The following NUP155 variants were observed in gnomAD, a reference collection of about 807,000 sequenced individuals.
The protein encoded by NUP155 is nuclear pore complex protein Nup155.
NUP155 carries 71 observed loss-of-function variants against 180.4 expected under a neutral mutation model. The ratio of observed to expected loss-of-function variants is 0.39; its 90% CI spans 0.33 to 0.48. NUP155 has a LOEUF of 0.48. Ranked by LOEUF, NUP155 falls within the 20% of genes least tolerant of loss-of-function variation. The pLI, the probability that NUP155 is intolerant of heterozygous loss-of-function variation, is 0.91. For synonymous variants in NUP155, 582 were observed against 559.5 expected, an observed-to-expected ratio of 1.04 and a Z score of -0.57; for missense variants, 1,553 against 1,648.9, an observed-to-expected ratio of 0.94 and a Z score of 1.01.
intron 33 of NUP155, 190 bp from the exon 34 acceptor site, chr5:37,293,175 A>G (rs1420238924): frequency 1.8e-6 from 1 of 549,802 alleles, no homozygotes; most frequent in Non-Finnish European, 3.3e-6. Context: ...AAACTTATTA[A>G]TTAACAACAC....
chr5:37,299,487 T>C lies in NUP155; in HGVS notation c.3643A>G (p.Ile1215Val). The change falls in exon 31 of 35, where the codon ATA becomes GTA. Residue 1215 changes from isoleucine (I) to valine (V), a missense_variant. Physicochemically the swap from Ile to Val is conservative, Grantham distance 29 (BLOSUM62 3). Transcript: ENST00000231498. ...TCTTGCCAAAGTGTCTGCACCAATATAGGGTCTGAATAACCGGCACAATGA... is the reference window on the plus strand; with the variant it reads ...TCTTGCCAAAGTGTCTGCACCAATACAGGGTCTGAATAACCGGCACAATGA... ...IIHCAGYSDP[I>V]LVQTLWQDII... is the part of the protein sequence containing the mutation. 2 of 1,614,064 alleles carry C rather than the reference T, an allele frequency of 1.2e-6. No individual in the cohort carries two copies. Among genetic ancestry groups the C allele is most frequent in the East Asian group, 2.2e-5 (1 of 44,860 alleles).
intron 22 of NUP155, among the ~76,000 whole-genome samples, chr5:37,313,245 A>ACACGGTGAAACCCCGTCTC: frequency 6.6e-6 from 1 of 151,996 alleles, no homozygotes; most frequent in Non-Finnish European, 1.5e-5. Context: ...ACCCTGGGCA[A>ACACGGTGAAACCCCGTCTC]CACGGTGAAA....
chr5:37,354,228 C>T (rs1006645344), intron 4 of NUP155, among the ~76,000 whole-genome samples: 1 of 151,852 alleles, frequency 6.6e-6, no homozygotes, highest in Non-Finnish European at 1.5e-5. Flanking sequence ...CTCACTATAA[C>T]CTCTGCCTCC....
chr5:37,293,549 T>C (rs1202405234), intron 33 of NUP155, among the ~76,000 whole-genome samples: 2 of 152,238 alleles, frequency 1.3e-5, no homozygotes, highest in East Asian at 1.9e-4. Flanking sequence ...ACAATCTACT[T>C]TGACAAGTTT....
chr5:37,353,803 A>T (rs1263522468), intron 4 of NUP155, among the ~76,000 whole-genome samples: 1 of 152,144 alleles, frequency 6.6e-6, no homozygotes, highest in Non-Finnish European at 1.5e-5. Context: ...GAGGAACAGG[A>T]GTTTTTAGTT....
At chr5:37,350,129 G>A (rs1746361807) in intron 7 of NUP155, 31 bp downstream of exon 7, 1 of 1,464,346 alleles carries the variant, frequency 6.8e-7, no homozygotes, top group Non-Finnish European at 9.6e-7. Flanking sequence ...GAAATTAGTT[G>A]TACTTGCCAA....
At position 37,309,250 on chromosome 5, in the gene NUP155, C is replaced by A; in HGVS notation, c.2646G>T (p.Gln882His). Reference protein sequence around the residue: ...AICSKANELLQRSRQVQNKTE... With the variant: ...AICSKANELLHRSRQVQNKTE... The stretch of plus-strand genomic sequence containing the variant: ...TCTTATTTTGAACTTGTCGGGAACG[C>A]TGGAGAAGCTCATTTGCCTAGAAGA... Residue 882 changes from glutamine (Q) to histidine (H), a missense_variant, in exon 24 of 35, where the codon CAG (glutamine) becomes CAT (histidine). Transcript: ENST00000231498. 6.2e-7 allele frequency: 1 copy of A among 1,610,592 alleles called. No individual in the cohort carries two copies. Among genetic ancestry groups the A allele is most frequent in the Non-Finnish European group, 8.5e-7 (1 of 1,178,812 alleles).
intron 1 of NUP155, among the ~76,000 whole-genome samples, chr5:37,368,726 A>C (rs1747767887): frequency 6.6e-6 from 1 of 152,162 alleles, no homozygotes; most frequent in South Asian, 2.1e-4. Flanking sequence ...AGGCAGGAGC[A>C]TCGCTTGAAC....
chr5:37,341,161 AAGC>A lies in NUP155; in HGVS notation c.1172_1174del (p.Arg391del). ...TGAAGATGCTGAGAATCCAGGAGGT[AAGC>A]GGACATGAACCAGCGTCAGTGTATT... On this transcript the variant is annotated inframe_deletion, in exon 11 of 35. Coordinates refer to ENST00000231498, the MANE Select transcript of NUP155 (RefSeq NM_153485.3). 1 of 1,613,960 alleles carries A rather than the reference AAGC, an allele frequency of 6.2e-7. No homozygotes were observed. Among genetic ancestry groups the A allele is most frequent in the Non-Finnish European group, 8.5e-7 (1 of 1,179,822 alleles).
In NUP155 at chr5:37,310,568, T is replaced by C; in HGVS notation, c.2612A>G (p.Asp871Gly). The change falls in exon 23 of 35, where the codon GAT becomes GGT. Residue 871 changes from aspartate (D) to glycine (G), a missense_variant. Asp to Gly is a moderately conservative substitution (Grantham distance 94). Coordinates refer to ENST00000231498, the MANE Select transcript of NUP155 (RefSeq NM_153485.3). The part of the protein sequence containing the change: ...DICPLLYSTD[D>G]AICSKANELL... Reference sequence around the variant, plus strand: ...GTATCATACCTTAGAACAAATTGCATCATCAGTGCTATATAGAAGTGGGCA... The same window carrying C: ...GTATCATACCTTAGAACAAATTGCACCATCAGTGCTATATAGAAGTGGGCA... The C allele has an allele frequency of 6.2e-7, 1 of 1,612,928 alleles. No homozygotes were observed. Among genetic ancestry groups the C allele is most frequent in the Non-Finnish European group, 8.5e-7 (1 of 1,179,210 alleles).
chr5:37,347,235 A>G (rs1746150798), intron 9 of NUP155, among the ~76,000 whole-genome samples: 1 of 152,116 alleles, frequency 6.6e-6, no homozygotes, highest in Admixed American at 6.5e-5. Flanking sequence ...CTCAAAAAGA[A>G]GCAAACAAAA....
chr5:37,336,518 C>T (rs901770318), intron 12 of NUP155, among the ~76,000 whole-genome samples: 12 of 152,082 alleles, frequency 7.9e-5, no homozygotes, highest in African/African-American at 2.9e-4. Flanking sequence ...GCTTTACACA[C>T]ATGAGCTCAT....
intron 9 of NUP155, among the ~76,000 whole-genome samples, chr5:37,344,516 CA>C (rs1405034572): frequency 6.7e-6 from 1 of 148,976 alleles, no homozygotes; most frequent in Non-Finnish European, 1.5e-5. Flanking sequence ...AAAAGGTGGC[CA>C]GGGGGCTGTT....
At chr5:37,370,783 G>C (rs1480974175) in intron 1 of NUP155, 38 bp downstream of exon 1, 1 of 1,614,024 alleles carries the variant, frequency 6.2e-7, no homozygotes, top group Non-Finnish European at 8.5e-7. Context: ...TCAGGCGAGA[G>C]TCCTTTAGGT....
At chr5:37,306,294 G>A (rs976848203) in intron 25 of NUP155, among the ~76,000 whole-genome samples, 2 of 152,010 alleles carry the variant, frequency 1.3e-5, no homozygotes, top group African/African-American at 4.8e-5. Flanking sequence ...CAGCTACTCA[G>A]GAGGCTGAGG....
At chr5:37,310,517 T>C (rs1561774703) in intron 23 of NUP155, 35 bp downstream of exon 23, 1 of 1,547,798 alleles carries the variant, frequency 6.5e-7, no homozygotes, top group Non-Finnish European at 8.9e-7. Context: ...ATACCTCTTA[T>C]AACAAACAAT....
At chr5:37,361,997 G>A (rs1339187690) in intron 3 of NUP155, among the ~76,000 whole-genome samples, 1 of 152,198 alleles carries the variant, frequency 6.6e-6, no homozygotes, top group African/African-American at 2.4e-5. Flanking sequence ...AGAGTGAAAA[G>A]ATAGCCATCT....
intron 19 of NUP155, 76 bp downstream of exon 19, chr5:37,325,825 A>G: frequency 2.2e-6 from 2 of 896,376 alleles, no homozygotes; most frequent in Non-Finnish European, 3.6e-6. Flanking sequence ...TAATATCAGG[A>G]AATGTGAAAC....
intron 4 of NUP155, among the ~76,000 whole-genome samples, chr5:37,356,864 T>C (rs769913076): frequency 6.6e-5 from 10 of 152,064 alleles, no homozygotes; most frequent in East Asian, 1.9e-4. Flanking sequence ...TCCCAGCACA[T>C]TGGGAGGCCA....
Sources: allele counts gnomAD v4.1 joint callset (sites outside exome capture counted in the v4.1 genomes callset), GRCh38; gene constraint gnomAD v4.1.1; transcripts MANE v1.5; gene names NCBI Gene and HGNC (gene_info 2026-07-23, HGNC 2026-07-21).